CMTM8: variants seen among roughly 807,000 people sequenced by gnomAD.
The protein encoded by CMTM8 is CKLF-like MARVEL transmembrane domain-containing protein 8.
Under a neutral mutation model 18.6 loss-of-function variants are expected in CMTM8, and 12 were observed. The observed-to-expected ratio is 0.65, with a 90% CI of 0.41 to 1.05. The LOEUF (loss-of-function observed/expected upper bound fraction) is 1.05, where lower values mean the gene tolerates loss of function less well. CMTM8 is among the 50% of genes least tolerant of loss of function. The probability of loss-of-function intolerance (pLI) is 0.00; values close to 1 mark genes in which losing one functional copy is unlikely to be tolerated. For synonymous variants in CMTM8, 87 were observed against 90.6 expected (o/e 0.96, Z 0.23); for missense variants, 217 against 227.2 (o/e 0.95, Z 0.29).
At position 32,368,327 on chromosome 3, in the gene CMTM8, T is replaced by C. The variant is rs578036788; in HGVS notation, c.438+339T>C. On this transcript the variant is annotated intron_variant, in intron 3 of 3. Transcript: ENST00000307526. ...GTTGCAGAAAATGAACAGAATATAATTCCATTTAGTTTTTTTTAAGTGAAA... is the reference window on the plus strand; with the variant it reads ...GTTGCAGAAAATGAACAGAATATAACTCCATTTAGTTTTTTTTAAGTGAAA... Among the ~76,000 whole-genome samples, 2 of 152,244 alleles carry C rather than the reference T, an allele frequency of 1.3e-5. 1 individual carries two copies. The highest frequency in any genetic ancestry group is 4.1e-4 in the South Asian group (2 of 4,826).
intron 1 of CMTM8, among the ~76,000 whole-genome samples, chr3:32,331,030 A>G (rs558942664): frequency 1.3e-5 from 2 of 152,298 alleles, no homozygotes; most frequent in Admixed American, 6.5e-5. Context: ...GGAAACAATC[A>G]TTACAGAAAG....
At chr3:32,317,456 C>A (rs1203336984) in intron 1 of CMTM8, among the ~76,000 whole-genome samples, 1 of 152,072 alleles carries the variant, frequency 6.6e-6, no homozygotes, top group African/African-American at 2.4e-5. Flanking sequence ...GGTAAATGGT[C>A]ATAACTTTGG....
intron 1 of CMTM8, among the ~76,000 whole-genome samples, chr3:32,240,211 C>G (rs34547298): frequency 0.077 from 11,712 of 152,276 alleles, 552 homozygotes; most frequent in Admixed American, 0.16. Flanking sequence ...CCTCAAGTAG[C>G]TTGCTTGCTC....
At chr3:32,257,709 A>G (rs1399434821) in intron 1 of CMTM8, among the ~76,000 whole-genome samples, 1 of 151,992 alleles carries the variant, frequency 6.6e-6, no homozygotes, top group Admixed American at 6.6e-5. Flanking sequence ...CCGAGAGACC[A>G]CTTCTGCTTG....
At chr3:32,348,544 G>GTTTTTTTTTTTA (rs1696646302) in intron 1 of CMTM8, among the ~76,000 whole-genome samples, 2 of 5,052 alleles carry the variant, frequency 4.0e-4, no homozygotes, top group South Asian at 0.013. Context: ...TTTTTTTTTG[G>GTTTTTTTTTTTA]AGACAAGATC....
chr3:32,279,322 T>TC (rs1170785495), intron 1 of CMTM8, among the ~76,000 whole-genome samples: 4 of 79,692 alleles, frequency 5.0e-5, no homozygotes, highest in Non-Finnish European at 9.3e-5. Context: ...CTGCTATCCC[T>TC]CCCCCCTCCC....
chr3:32,244,974 G>A lies in CMTM8; in HGVS notation c.147+5855G>A, dbSNP rs138177782. Among the ~76,000 whole-genome samples the A allele has an allele frequency of 2.2e-3, 336 of 152,316 alleles. 2 individuals carry two copies. Among genetic ancestry groups the A allele is most frequent in the African/African-American group, 7.0e-3 (291 of 41,564 alleles). Reference sequence around the variant, plus strand: ...AAAATACTTTAAAAAAATTCCAAATGTTAATGATCACCTTAAATAACGTAC... The same window carrying A: ...AAAATACTTTAAAAAAATTCCAAATATTAATGATCACCTTAAATAACGTAC... On this transcript the variant is annotated intron_variant, in intron 1 of 3. Transcript: ENST00000307526.
rs962630380 is a variant in CMTM8 at position 32,238,879 on chromosome 3, C to A, written c.-94C>A. On this transcript the variant is annotated 5_prime_UTR_variant, in exon 1 of 4. Transcript: ENST00000307526. ...GCCCCGCGCGGGCCGCGCTCCCCTC[C>A]CCCGCGCCTGTGTCCCCAGGGCGCA... is the stretch of plus-strand genomic sequence containing the variant. 13 of 1,221,916 alleles carry A rather than the reference C, an allele frequency of 1.1e-5. No individual in the cohort carries two copies. The African/African-American group carries it at 1.8e-4, about 17-fold the overall frequency. 75.7% of individuals were successfully genotyped at this position (1,221,916 alleles called of 1,614,324 possible). A position where few individuals can be genotyped will look rare whatever the true frequency, so the allele number is the denominator to read the frequency against.
chr3:32,361,130 C>T (rs1329971392), intron 2 of CMTM8, among the ~76,000 whole-genome samples: 4 of 152,090 alleles, frequency 2.6e-5, no homozygotes, highest in African/African-American at 4.8e-5. Context: ...TAAAGGCATG[C>T]GCCACCACGC....
At chr3:32,282,374 T>C (rs2125550580) in intron 1 of CMTM8, among the ~76,000 whole-genome samples, 1 of 152,314 alleles carries the variant, frequency 6.6e-6, no homozygotes, top group Admixed American at 6.5e-5. Context: ...CAAGCAACCA[T>C]AAAATAATTA....
intron 1 of CMTM8, among the ~76,000 whole-genome samples, chr3:32,323,181 C>T (rs988394433): frequency 2.0e-5 from 3 of 152,180 alleles, no homozygotes; most frequent in African/African-American, 7.2e-5. Flanking sequence ...CTGAGGCCAG[C>T]CTGGCTGGGG....
In CMTM8 at chr3:32,266,668, C is replaced by T. The variant is rs1291201965; in HGVS notation, c.147+27549C>T. Among the ~76,000 whole-genome samples, 3 of 152,266 alleles carry T rather than the reference C, an allele frequency of 2.0e-5. No homozygotes were observed. In the East Asian group the frequency reaches 5.8e-4, roughly 29 times the overall value. On this transcript the variant is annotated intron_variant, in intron 1 of 3. Transcript: ENST00000307526. ...AGGAAAAGAGGAAGTCAAATTGTCC[C>T]TGTTTGCAGATGACATGATTGTATA...
At chr3:32,287,162 G>A (rs182059000) in intron 1 of CMTM8, among the ~76,000 whole-genome samples, 2 of 152,292 alleles carry the variant, frequency 1.3e-5, no homozygotes, top group Admixed American at 1.3e-4. Flanking sequence ...GGACTAAAAT[G>A]AAACAATTTA....
intron 1 of CMTM8, among the ~76,000 whole-genome samples, chr3:32,328,108 C>T (rs1273527552): frequency 6.6e-6 from 1 of 152,110 alleles, no homozygotes. Flanking sequence ...GGCACAGTGG[C>T]CCATGCCTGT....
intron 1 of CMTM8, among the ~76,000 whole-genome samples, chr3:32,318,858 C>G (rs574672677): frequency 3.4e-4 from 51 of 151,328 alleles, no homozygotes; most frequent in African/African-American, 1.1e-3. Flanking sequence ...TGAGCCACCG[C>G]GCCCGGCTAG....
intron 1 of CMTM8, among the ~76,000 whole-genome samples, chr3:32,316,936 T>G (rs1695944537): frequency 6.6e-6 from 1 of 152,240 alleles, no homozygotes; most frequent in Non-Finnish European, 1.5e-5. Flanking sequence ...CTCCTAAAAA[T>G]GCAGGACAAG....
intron 2 of CMTM8, among the ~76,000 whole-genome samples, chr3:32,365,918 A>G (rs879285266): frequency 1.3e-5 from 2 of 152,198 alleles, no homozygotes; most frequent in Non-Finnish European, 2.9e-5. Context: ...GTAACATTCT[A>G]GAACCCTCTG....
At chr3:32,313,463 C>T (rs1322611811) in intron 1 of CMTM8, among the ~76,000 whole-genome samples, 1 of 152,034 alleles carries the variant, frequency 6.6e-6, no homozygotes, top group Non-Finnish European at 1.5e-5. Context: ...CCACTATGCC[C>T]GGCTAATTTT....
intron 1 of CMTM8, among the ~76,000 whole-genome samples, chr3:32,346,962 A>G (rs1423262482): frequency 6.6e-6 from 1 of 152,032 alleles, no homozygotes; most frequent in East Asian, 1.9e-4. Flanking sequence ...CTGGGACTAT[A>G]GGCATGCACC....
Sources: allele counts gnomAD v4.1 joint callset (sites outside exome capture counted in the v4.1 genomes callset), GRCh38; gene constraint gnomAD v4.1.1; transcripts MANE v1.5; gene names NCBI Gene and HGNC (gene_info 2026-07-23, HGNC 2026-07-21).